Variants in CPA6 observed in about 807,000 individuals in gnomAD.
The protein encoded by CPA6 is carboxypeptidase A6, also known as carboxypeptidase B.
CPA6 carries 58 observed loss-of-function variants against 63.3 expected under a neutral mutation model. The observed-to-expected ratio is 0.92, with a 90% CI of 0.74 to 1.14. CPA6 has a LOEUF of 1.14. CPA6 is among the 50% of genes most tolerant of loss of function. The probability of loss-of-function intolerance (pLI) is 0.00; values close to 1 mark genes in which losing one functional copy is unlikely to be tolerated. For synonymous variants in CPA6, 185 were observed against 179.0 expected (o/e 1.03, Z -0.27); for missense variants, 565 against 526.6 (o/e 1.07, Z -0.71).
In CPA6 at chr8:67,430,175, A is replaced by G. The variant is rs866061848; in HGVS notation, c.1042-2044T>C. 6.9e-3 allele frequency among the ~76,000 whole-genome samples: 856 copies of G among 123,346 alleles called. 11 individuals carry two copies. Among genetic ancestry groups the G allele is most frequent in the African/African-American group, 0.029 (775 of 26,434 alleles). The allele number at this position is 123,346 out of a possible 152,430, so 80.9% of individuals were successfully genotyped here. A position where few individuals can be genotyped will look rare whatever the true frequency, so the allele number is the denominator to read the frequency against. On this transcript the variant is annotated intron_variant, in intron 9 of 10. Transcript: ENST00000297770. Reference sequence around the variant, plus strand: ...TGTGTGTGTGTGTGTGTGTGTGTATATATTTTGTTTTTTTTTTTTTTTAGA... The same window carrying G: ...TGTGTGTGTGTGTGTGTGTGTGTATGTATTTTGTTTTTTTTTTTTTTTAGA...
intron 8 of CPA6, among the ~76,000 whole-genome samples, chr8:67,448,663 C>CAAAAAAAAAAAAAAAAAAAA (rs1810487056): frequency 1.9e-5 from 1 of 53,334 alleles, no homozygotes; most frequent in Admixed American, 1.8e-4. Flanking sequence ...AAGGAAAGAA[C>CAAAAAAAAAAAAAAAAAAAA]GAAAAAGAAA....
intron 8 of CPA6, among the ~76,000 whole-genome samples, chr8:67,442,946 T>G (rs555571942): frequency 2.7e-4 from 41 of 152,246 alleles, no homozygotes; most frequent in African/African-American, 9.6e-4. Flanking sequence ...CCCACAGACC[T>G]GCCAAAGCCT....
intron 8 of CPA6, among the ~76,000 whole-genome samples, chr8:67,455,663 C>CCAAAA (rs1810655966): frequency 3.3e-5 from 1 of 30,250 alleles, no homozygotes; most frequent in African/African-American, 1.6e-4. Context: ...TCTACAAAAG[C>CCAAAA]AAAAAAAAAA....
At chr8:67,579,792 T>C (rs1028939099) in intron 2 of CPA6, among the ~76,000 whole-genome samples, 3 of 152,204 alleles carry the variant, frequency 2.0e-5, no homozygotes, top group Non-Finnish European at 4.4e-5. Context: ...CATAAAGGTT[T>C]ATAGGAACAT....
At chr8:67,435,491 A>T (rs1407153789) in intron 8 of CPA6, among the ~76,000 whole-genome samples, 2 of 152,120 alleles carry the variant, frequency 1.3e-5, no homozygotes, top group Non-Finnish European at 2.9e-5. Context: ...GGGCCCTGTG[A>T]TGGGGAGGAG....
chr8:67,519,679 C>T (rs758488233), intron 2 of CPA6, among the ~76,000 whole-genome samples: 7 of 152,176 alleles, frequency 4.6e-5, no homozygotes, highest in East Asian at 1.9e-4. Context: ...CAACAATCAG[C>T]GCACAACGGA....
At chr8:67,557,212 A>G (rs1352911257) in intron 2 of CPA6, among the ~76,000 whole-genome samples, 1 of 152,164 alleles carries the variant, frequency 6.6e-6, no homozygotes, top group South Asian at 2.1e-4. Flanking sequence ...CATGTAATCA[A>G]TTTGCCAGAC....
rs191136172 is a variant in CPA6, at chr8:67,504,766, A to G, written c.636+2021T>C. On this transcript the variant is annotated intron_variant, in intron 6 of 10. Transcript: ENST00000297770. ...CTGGTTGCTTCCATGGCTCAGACAG[A>G]AAATGGAGTGGTAAAGTGGAGGAGG... 2.6e-5 allele frequency among the ~76,000 whole-genome samples: 4 copies of G among 152,246 alleles called. No homozygotes were observed. The East Asian group carries it at 7.7e-4, about 29-fold the overall frequency.
At chr8:67,546,789 G>GACT (rs1208846851) in intron 2 of CPA6, among the ~76,000 whole-genome samples, 2 of 152,058 alleles carry the variant, frequency 1.3e-5, no homozygotes, top group Non-Finnish European at 2.9e-5. Flanking sequence ...AAGTAGCAGA[G>GACT]ACTACAGGTG....
At chr8:67,577,370 G>C (rs1223691543) in intron 2 of CPA6, among the ~76,000 whole-genome samples, 4 of 152,104 alleles carry the variant, frequency 2.6e-5, no homozygotes, top group Non-Finnish European at 4.4e-5. Flanking sequence ...GTCCAGGGAG[G>C]GGTCCTAAAG....
At chr8:67,434,552 A>G (rs1252049221) in intron 8 of CPA6, among the ~76,000 whole-genome samples, 2 of 152,250 alleles carry the variant, frequency 1.3e-5, no homozygotes, top group Admixed American at 6.5e-5. Flanking sequence ...ACAATAGTAC[A>G]GCAAGTGTTC....
chr8:67,484,774 T>C lies in CPA6; in HGVS notation c.652A>G (p.Lys218Glu). 4 of 1,597,902 alleles carry C rather than the reference T, an allele frequency of 2.5e-6. No homozygotes were observed. The highest frequency in any genetic ancestry group is 3.4e-6 in the Non-Finnish European group (4 of 1,166,480). The change falls in exon 7 of 11, where the codon AAG becomes GAG. Residue 218 changes from lysine to glutamate, a missense_variant. Physicochemically the swap from Lys to Glu is moderately conservative, Grantham distance 56. Coordinates refer to ENST00000297770, the MANE Select transcript of CPA6 (RefSeq NM_020361.5). ...WFVKEALLTY[K>E]SDPAMRKMLN... ...ATTTTTCTCATGGCTGGGTCACTCT[T>C]ATATGTTAGAAGAGCCTAAAAGACA...
chr8:67,427,293 C>T (rs948842599), intron 10 of CPA6, among the ~76,000 whole-genome samples: 3 of 152,128 alleles, frequency 2.0e-5, no homozygotes, highest in Non-Finnish European at 2.9e-5. Context: ...TGCCCTTAGC[C>T]AGATTTTTTT....
At chr8:67,639,381 C>A (rs1475709656) in intron 1 of CPA6, among the ~76,000 whole-genome samples, 5 of 151,580 alleles carry the variant, frequency 3.3e-5, no homozygotes, top group Non-Finnish European at 7.3e-5. Context: ...CAAGGGTGAG[C>A]CAGACATGCA....
At chr8:67,744,771 C>A (rs1370584250) in intron 1 of CPA6, among the ~76,000 whole-genome samples, 1 of 152,082 alleles carries the variant, frequency 6.6e-6, no homozygotes, top group East Asian at 1.9e-4. Context: ...TATGTCCAGG[C>A]CAAAAGGCAG....
At chr8:67,517,790 T>A in intron 3 of CPA6, 133 bp downstream of exon 3, 1 of 888,512 alleles carries the variant, frequency 1.1e-6, no homozygotes, top group South Asian at 2.1e-5. Flanking sequence ...AATATATTCA[T>A]GTCAGTTTTC....
intron 2 of CPA6, among the ~76,000 whole-genome samples, chr8:67,525,055 G>T (rs529624182): frequency 1.3e-5 from 2 of 152,214 alleles, no homozygotes; most frequent in East Asian, 3.9e-4. Context: ...ATTTTTCCTT[G>T]CTCTACTTAT....
At chr8:67,550,247 C>T (rs991530326) in intron 2 of CPA6, among the ~76,000 whole-genome samples, 3 of 152,032 alleles carry the variant, frequency 2.0e-5, no homozygotes, top group African/African-American at 7.2e-5. Context: ...TCTTTATGTC[C>T]GTGAGTACTT....
At chr8:67,577,314 A>G (rs1813653223) in intron 2 of CPA6, among the ~76,000 whole-genome samples, 1 of 152,302 alleles carries the variant, frequency 6.6e-6, no homozygotes, top group East Asian at 1.9e-4. Context: ...AACAGATAAA[A>G]CATTTTACTT....
Sources: gnomAD v4.1 joint callset for allele counts (sites outside exome capture counted in the v4.1 genomes callset) on GRCh38, gnomAD v4.1.1 for gene constraint, MANE v1.5 for transcripts, NCBI Gene and HGNC (gene_info 2026-07-23, HGNC 2026-07-21) for gene names.